ATP5F1B: variants seen among roughly 807,000 people sequenced by gnomAD.
ATP5F1B encodes the protein ATP synthase F1 subunit beta, also known as ATP synthase F(1) complex subunit beta, mitochondrial.
ATP5F1B carries 17 observed loss-of-function variants against 45.9 expected under a neutral mutation model. The ratio of observed to expected loss-of-function variants is 0.37; its 90% CI spans 0.25 to 0.56. The LOEUF (loss-of-function observed/expected upper bound fraction) is 0.56. Among genes scored for constraint, ATP5F1B ranks in the 20% least tolerant of loss-of-function variants. The pLI, the probability that ATP5F1B is intolerant of heterozygous loss-of-function variation, is 0.80. For synonymous variants in ATP5F1B, 218 were observed against 256.5 expected (o/e 0.85, Z 1.43); for missense variants, 387 against 673.2 (o/e 0.57, Z 4.70).
intron 1 of ATP5F1B, 32 bp downstream of exon 1, chr12:56,645,805 T>C: frequency 6.2e-7 from 1 of 1,601,500 alleles, no homozygotes; most frequent in South Asian, 1.1e-5. Context: ...GGCGGCAAAA[T>C]GGAACGTTAG....
At chr12:56,642,387 CAG>C in intron 7 of ATP5F1B, 69 bp downstream of exon 7, 1 of 1,592,496 alleles carries the variant, frequency 6.3e-7, no homozygotes, top group Non-Finnish European at 8.6e-7. Flanking sequence ...TCAGCCTCCT[CAG>C]TAGCTGAGAT....
rs1202659081 is a variant in ATP5F1B, at chr12:56,645,244, T to C, written c.237A>G (p.Leu79=). 1.2e-6 allele frequency: 2 copies of C among 1,614,252 alleles called. No individual in the cohort carries two copies. The highest frequency in any genetic ancestry group is 8.5e-7 in the Non-Finnish European group (1 of 1,180,050). The change falls in exon 2 of 10, where the codon CTA becomes CTG. Residue 79 remains leucine, a synonymous_variant. Transcript: ENST00000262030. ...CTTCCAGGGCATTTAGAATTGGTGG[T>C]AGTCCCTCATCAAACTGGACGTCCA... The part of the protein sequence containing the change: ...AVVDVQFDEG[L]PPILNALEVQ...
At chr12:56,645,055 CAA>C in intron 2 of ATP5F1B, 100 bp from the exon 3 acceptor site, 1 of 1,605,388 alleles carries the variant, frequency 6.2e-7, no homozygotes, top group Non-Finnish European at 8.5e-7. Context: ...GTGGCTTCAG[CAA>C]ACTCAGAAGA....
intron 1 of ATP5F1B, 33 bp from the exon 2 acceptor site, chr12:56,645,386 G>T (rs765931560): frequency 6.3e-7 from 1 of 1,596,628 alleles, no homozygotes; most frequent in South Asian, 1.1e-5. Context: ...AGGAGCTGGG[G>T]TCAGGCCAGT....
rs35984942 is a variant in ATP5F1B at position 56,641,363 on chromosome 12, C to CA, written c.1074+1094dup. Among the ~76,000 whole-genome samples, 541 of 61,420 alleles carry CA rather than the reference C, an allele frequency of 8.8e-3. 5 individuals carry two copies. Among genetic ancestry groups the CA allele is most frequent in the South Asian group, 0.086 (173 of 2,000 alleles). 40.3% of individuals were successfully genotyped at this position (61,420 alleles called of 152,430 possible). ...GGGCAATAAGAGTGAAACTCCGTCT[C>CA]AAAAAAAAAAAAAAAAGAATTAAAA... On this transcript the variant is annotated intron_variant, in intron 7 of 9. Transcript: ENST00000262030.
chr12:56,644,709 A>C, intron 3 of ATP5F1B, 72 bp downstream of exon 3: 1 of 1,490,302 alleles, frequency 6.7e-7, no homozygotes, highest in Non-Finnish European at 9.0e-7. Flanking sequence ...TTAGGAGAAC[A>C]TGTCACCTTA....
chr12:56,643,361 T>A, intron 5 of ATP5F1B, 42 bp downstream of exon 5: 1 of 1,527,794 alleles, frequency 6.5e-7, no homozygotes, highest in Non-Finnish European at 8.9e-7. Context: ...AATAGTTTCC[T>A]GGCGTAACTA....
At chr12:56,643,330 T>C (rs1381710460) in intron 5 of ATP5F1B, 73 bp downstream of exon 5, 4 of 1,333,328 alleles carry the variant, frequency 3.0e-6, no homozygotes, top group East Asian at 2.4e-5. Context: ...ATAGAAAATA[T>C]AGAACATGGC....
At chr12:56,644,332 G>A (rs1484306710) in intron 3 of ATP5F1B, among the ~76,000 whole-genome samples, 1 of 147,788 alleles carries the variant, frequency 6.8e-6, no homozygotes, top group Admixed American at 6.7e-5. Flanking sequence ...AACTAGCCAG[G>A]CGCAGTGGCT....
chr12:56,644,447 C>T (rs918264627), intron 3 of ATP5F1B, among the ~76,000 whole-genome samples: 5 of 151,936 alleles, frequency 3.3e-5, no homozygotes, highest in Non-Finnish European at 7.4e-5. Context: ...CCCATCTGTA[C>T]TAAAAATACA....
At chr12:56,644,744 A>C in intron 3 of ATP5F1B, 37 bp downstream of exon 3, 2 of 1,572,196 alleles carry the variant, frequency 1.3e-6, no homozygotes, top group Middle Eastern at 3.4e-4. Context: ...AAATAACAGA[A>C]GTTCCTTTGT....
rs755145018 is a variant in ATP5F1B at position 56,645,881 on chromosome 12, G to A, written c.83C>T (p.Pro28Leu). ...AGCGGCCCGCAGTAAGAGCTGAGCTGGGGGCAGCGACGCTGAAGGGGTGAG... is the reference window on the plus strand; with the variant it reads ...AGCGGCCCGCAGTAAGAGCTGAGCTAGGGGCAGCGACGCTGAAGGGGTGAG... Reference protein sequence around the residue: ...RRLTPSASLPPAQLLLRAAPT... With the variant: ...RRLTPSASLPLAQLLLRAAPT... The change falls in exon 1 of 10, where the codon CCA becomes CTA. Residue 28 changes from proline (P) to leucine (L), a missense_variant. Pro to Leu is a moderately conservative substitution (Grantham distance 98). This residue lies in a region of ATP5F1B where 76 missense variants were observed against 62.0 expected (regional missense o/e 1.23). Coordinates refer to ENST00000262030, the MANE Select transcript of ATP5F1B (RefSeq NM_001686.4). 60 of 1,608,580 alleles carry A rather than the reference G, an allele frequency of 3.7e-5. No homozygotes were observed. The highest frequency in any genetic ancestry group is 1.6e-4 in the Middle Eastern group (1 of 6,078).
intron 8 of ATP5F1B, among the ~76,000 whole-genome samples, chr12:56,639,653 C>A (rs1052079638): frequency 6.6e-6 from 1 of 151,848 alleles, no homozygotes; most frequent in Non-Finnish European, 1.5e-5. Context: ...CACCTGTAAT[C>A]CCAGGTACTC....
chr12:56,638,418 A>G lies in ATP5F1B; in HGVS notation c.1495T>C (p.Tyr499His), dbSNP rs149926323. 1.9e-5 allele frequency: 31 copies of G among 1,608,290 alleles called. No homozygotes were observed. In the African/African-American group the frequency reaches 3.7e-4, roughly 19 times the overall value. Residue 499 changes from tyrosine to histidine, a missense_variant, in exon 10 of 10, where the codon TAT (tyrosine) becomes CAT (histidine). Transcript: ENST00000262030. ...KGFQQILAGE[Y>H]DHLPEQAFYM... ...AAGGCCTGTTCTGGGAGATGGTCATATTCACCTGTATGATGGGGGAGAAAA... is the reference window on the plus strand; with the variant it reads ...AAGGCCTGTTCTGGGAGATGGTCATGTTCACCTGTATGATGGGGGAGAAAA...
intron 7 of ATP5F1B, among the ~76,000 whole-genome samples, 163 bp downstream of exon 7, chr12:56,642,295 C>T (rs1256369846): frequency 7.6e-6 from 1 of 132,114 alleles, no homozygotes; most frequent in East Asian, 1.9e-4. Context: ...CACGCCTGGC[C>T]CAGTCAGTTT....
In ATP5F1B at chr12:56,642,652, C is replaced by T. The variant is rs760397757; in HGVS notation, c.951+21G>A. The T allele has an allele frequency of 1.9e-6, 3 of 1,613,942 alleles. No homozygotes were observed. In the African/African-American group the frequency reaches 4.0e-5, roughly 22 times the overall value. On this transcript the variant is annotated intron_variant, in intron 6 of 9. Transcript: ENST00000262030. The stretch of plus-strand genomic sequence containing the variant: ...GAAGAAAGGCCAGATGAACCAGGTC[C>T]TCTCAAGCCTTCCCTCTTACCTCTG...
intron 7 of ATP5F1B, 34 bp from the exon 8 acceptor site, chr12:56,640,226 A>G: frequency 6.4e-7 from 1 of 1,573,786 alleles, no homozygotes; most frequent in Non-Finnish European, 8.7e-7. Flanking sequence ...CAGGAACCAA[A>G]GTAAATTTTT....
chr12:56,643,480 T>TA lies in ATP5F1B; in HGVS notation c.714_715insT (p.Arg239Ter). 1 of 1,614,144 alleles carries TA rather than the reference T, an allele frequency of 6.2e-7. No homozygotes were observed. On this transcript the variant is annotated frameshift_variant, in exon 5 of 10. Transcript: ENST00000262030. LOFTEE classifies it high-confidence loss of function. ...TATAAATCATTGCCTTCACGGGTCC[T>TA]CTCACCAACACCAGCAAACACAGAG... is the stretch of plus-strand genomic sequence containing the variant.
intron 4 of ATP5F1B, 113 bp from the exon 5 acceptor site, chr12:56,643,700 G>A (rs748949827): frequency 6.3e-7 from 1 of 1,575,072 alleles, no homozygotes; most frequent in Non-Finnish European, 8.7e-7. Context: ...AATTGCATCT[G>A]GCTTCAGCAA....
Sources: gnomAD v4.1 joint callset for allele counts (sites outside exome capture counted in the v4.1 genomes callset) on GRCh38, gnomAD v4.1.1 for gene constraint, gnomAD v4.1.1 regional missense constraint, MANE v1.5 for transcripts, NCBI Gene and HGNC (gene_info 2026-07-23, HGNC 2026-07-21) for gene names.